Variants in INTS4 observed in about 807,000 individuals in gnomAD.
INTS4 encodes integrator complex subunit 4.
INTS4 carries 70 observed loss-of-function variants against 119.5 expected under a neutral mutation model. That is an observed-to-expected ratio of 0.59 (90% CI 0.48 to 0.71). The LOEUF (loss-of-function observed/expected upper bound fraction) is 0.71. Ranked by LOEUF, INTS4 falls within the 30% of genes least tolerant of loss-of-function variation. INTS4 has a pLI of 0.00. For missense variants in INTS4, 867 were observed against 1,173.2 expected (o/e 0.74, Z 3.81); for synonymous variants, 316 against 419.6 (o/e 0.75, Z 3.02).
chr11:77,915,279 TTTGTGAATCATCCCTGCTTGGG>T (rs1765974050), intron 15 of INTS4: 1 of 152,380 alleles, frequency 6.6e-6, no homozygotes, highest in Non-Finnish European at 1.5e-5. Context: ...AGGTAGGGAC[TTTGTGAATCATCCCTGCTTGGG>T]TCCCAGAGCT....
In INTS4 at chr11:77,956,016, C is replaced by A. The variant is rs776861330; in HGVS notation, c.844G>T (p.Asp282Tyr). The A allele has an allele frequency of 6.2e-7, 1 of 1,610,284 alleles. No individual in the cohort carries two copies. Among genetic ancestry groups the A allele is most frequent in the Non-Finnish European group, 8.5e-7 (1 of 1,179,464 alleles). The change falls in exon 8 of 23, where the codon GAT becomes TAT. Residue 282 changes from aspartate (D) to tyrosine (Y), a missense_variant. By Grantham distance (160) the Asp-to-Tyr change is radical. This residue lies in a region of INTS4 where 208 missense variants were observed against 306.6 expected (regional missense o/e 0.68). Transcript: ENST00000534064. ...ATGTGACAAATTTTGCCAAACGCAT[C>A]ATCAACTAAGCGTATTTCTTCATTA... The part of the protein sequence containing the change: ...SSNEEIRLVD[D>Y]AFGKICHMVS...
chr11:77,967,665 A>G (rs1412316424), intron 4 of INTS4, among the ~76,000 whole-genome samples: 1 of 152,166 alleles, frequency 6.6e-6, no homozygotes, highest in Non-Finnish European at 1.5e-5. Context: ...GTTATACATT[A>G]TGAGGGACAC....
intron 15 of INTS4, among the ~76,000 whole-genome samples, chr11:77,916,274 T>C (rs950130788): frequency 6.6e-6 from 1 of 152,188 alleles, no homozygotes; most frequent in Non-Finnish European, 1.5e-5. Context: ...ACAAACATCA[T>C]AGAGTATATT....
At chr11:77,957,030 G>C (rs1344457918) in intron 7 of INTS4, among the ~76,000 whole-genome samples, 9 of 151,992 alleles carry the variant, frequency 5.9e-5, no homozygotes, top group Non-Finnish European at 7.4e-5. Context: ...AACTTCCTGG[G>C]CTCAGGTGAT....
chr11:77,971,112 G>A (rs1855712952), intron 4 of INTS4, among the ~76,000 whole-genome samples: 1 of 152,108 alleles, frequency 6.6e-6, no homozygotes, highest in African/African-American at 2.4e-5. Flanking sequence ...CCAGCTCATT[G>A]TGGTTTTGAT....
chr11:77,914,429 T>C (rs1256922715), intron 15 of INTS4, among the ~76,000 whole-genome samples: 1 of 152,200 alleles, frequency 6.6e-6, no homozygotes, highest in Non-Finnish European at 1.5e-5. Context: ...GTAGACTGTA[T>C]TTTACTGGGC....
intron 10 of INTS4, among the ~76,000 whole-genome samples, chr11:77,934,459 A>G (rs12293597): frequency 0.18 from 27,998 of 151,480 alleles, 2,678 homozygotes; most frequent in Middle Eastern, 0.23. Context: ...GGGTGACTGC[A>G]GGGAGACAAA....
rs1350105005 is a variant in INTS4 at position 77,903,619 on chromosome 11, G to A, written c.2018C>T (p.Ala673Val). Residue 673 changes from alanine to valine, a missense_variant and splice_region_variant, in exon 17 of 23, where the codon GCC (alanine) becomes GTC (valine). By Grantham distance (64) the Ala-to-Val change is moderately conservative (BLOSUM62 0). Around this residue, in one of 5 missense-constraint regions of INTS4, gnomAD observed 262 missense variants for 376.0 expected, o/e 0.70. Transcript: ENST00000534064. ...YLRCQLLLIK[A>V]LQEKLWNVAA... ...TACATTCCACAACTTTTCCTGCAAG[G>A]CCTACGCAGACAAATCAGGAGGGAA... 4.3e-6 allele frequency: 7 copies of A among 1,612,844 alleles called. No individual in the cohort carries two copies. The highest frequency in any genetic ancestry group is 5.9e-6 in the Non-Finnish European group (7 of 1,179,194).
At chr11:77,983,464 TATTAACA>T in intron 2 of INTS4, among the ~76,000 whole-genome samples, 1 of 152,126 alleles carries the variant, frequency 6.6e-6, no homozygotes, top group Admixed American at 6.6e-5. Context: ...TAACAGAATA[TATTAACA>T]ATTCCAAAAC....
In INTS4 at chr11:77,891,389, A is replaced by G; in HGVS notation, c.2522T>C (p.Leu841Ser). 1 of 1,612,804 alleles carries G rather than the reference A, an allele frequency of 6.2e-7. No individual in the cohort carries two copies. Among genetic ancestry groups the G allele is most frequent in the Admixed American group, 1.7e-5 (1 of 59,864 alleles). Residue 841 changes from leucine (L) to serine (S), a missense_variant, in exon 21 of 23, where the codon TTG becomes TCG. This residue lies in a region of INTS4 where 262 missense variants were observed against 376.0 expected (regional missense o/e 0.70). Coordinates refer to ENST00000534064, the MANE Select transcript of INTS4 (RefSeq NM_033547.4). ...SDNPLRFTSG[L>S]VVALDVDATL... ...TGCATCAACATCCAGGGCAACCACC[A>G]ACCCAGAGGTAAACCGCAAAGGGTT...
intron 10 of INTS4, among the ~76,000 whole-genome samples, chr11:77,935,073 C>G (rs1255112901): frequency 3.3e-5 from 5 of 152,130 alleles, no homozygotes; most frequent in African/African-American, 1.2e-4. Context: ...TCAATCATCT[C>G]AAAGCACTGA....
intron 19 of INTS4, among the ~76,000 whole-genome samples, chr11:77,892,835 A>G (rs1793334): frequency 0.75 from 113,571 of 152,082 alleles, 43,108 homozygotes; most frequent in African/African-American, 0.89. Context: ...CACCCGCCTC[A>G]GCCTCCCAAA....
At chr11:77,994,420 CA>C (rs1856817492) in intron 1 of INTS4, among the ~76,000 whole-genome samples, 169 bp downstream of exon 1, 1 of 152,190 alleles carries the variant, frequency 6.6e-6, no homozygotes, top group African/African-American at 2.4e-5. Context: ...ATATTAATGA[CA>C]ACAGCGGCTG....
At chr11:77,950,234 G>A (rs1460576930) in intron 8 of INTS4, among the ~76,000 whole-genome samples, 1 of 152,122 alleles carries the variant, frequency 6.6e-6, no homozygotes, top group Non-Finnish European at 1.5e-5. Flanking sequence ...GGGGCTGGGG[G>A]AGGGACAGCA....
At chr11:77,966,529 G>C (rs1437225929) in intron 4 of INTS4, among the ~76,000 whole-genome samples, 1 of 152,122 alleles carries the variant, frequency 6.6e-6, no homozygotes, top group South Asian at 2.1e-4. Context: ...ACTTCTCCCA[G>C]CATCATCTAT....
chr11:77,903,401 T>C lies in INTS4; in HGVS notation c.2097+139A>G, dbSNP rs1466675281. ...TGAGGCCAAATCACTCTGCTTCAAA[T>C]ACAAAGGGGCAGCTACATGCCACAA... On this transcript the variant is annotated intron_variant, in intron 17 of 22. Coordinates refer to ENST00000534064, the MANE Select transcript of INTS4 (RefSeq NM_033547.4). 15 of 1,604,150 alleles carry C rather than the reference T, an allele frequency of 9.4e-6. No homozygotes were observed. The East Asian group carries it at 2.9e-4, about 31-fold the overall frequency.
intron 6 of INTS4, 110 bp downstream of exon 6, chr11:77,960,231 C>T: frequency 1.4e-6 from 1 of 693,772 alleles, no homozygotes; most frequent in Non-Finnish European, 2.6e-6. Context: ...TCAACGCTGC[C>T]ACTATTAACT....
At chr11:77,966,041 T>G (rs1288478561) in intron 4 of INTS4, among the ~76,000 whole-genome samples, 3 of 152,226 alleles carry the variant, frequency 2.0e-5, no homozygotes. Flanking sequence ...ACATCTCACT[T>G]AATTTGCATT....
At chr11:77,912,159 C>T (rs745913680) in intron 15 of INTS4, among the ~76,000 whole-genome samples, 24 of 152,070 alleles carry the variant, frequency 1.6e-4, no homozygotes, top group Non-Finnish European at 2.6e-4. Flanking sequence ...CTCAGGAGTT[C>T]GAGACCAGCC....
Sources: allele counts gnomAD v4.1 joint callset (sites outside exome capture counted in the v4.1 genomes callset), GRCh38; gene constraint gnomAD v4.1.1; regional missense constraint gnomAD v4.1.1; transcripts MANE v1.5; gene names NCBI Gene and HGNC (gene_info 2026-07-23, HGNC 2026-07-21).